CEP128: variants seen among roughly 807,000 people sequenced by gnomAD.
CEP128 encodes the protein centrosomal protein 128, also known as centrosomal protein 128kDa.
In CEP128, 132 loss-of-function variants were observed where a neutral mutation model predicts 156.7. The observed-to-expected ratio is 0.84, with a 90% CI of 0.73 to 0.97. CEP128 has a LOEUF of 0.97. Ranked by LOEUF, CEP128 falls within the 50% of genes least tolerant of loss-of-function variation. The pLI is 0.00. For missense variants in CEP128, 1,252 were observed against 1,281.9 expected, an observed-to-expected ratio of 0.98 and a Z score of 0.36; for synonymous variants, 469 against 448.9, an observed-to-expected ratio of 1.04 and a Z score of -0.57.
At chr14:80,663,528 C>T (rs1318940266) in intron 19 of CEP128, among the ~76,000 whole-genome samples, 2 of 152,250 alleles carry the variant, frequency 1.3e-5, no homozygotes, top group East Asian at 3.9e-4. Context: ...TTCCAGCCAC[C>T]TTCCGATAAT....
At chr14:80,848,301 G>C (rs990506625) in intron 9 of CEP128, among the ~76,000 whole-genome samples, 1 of 152,128 alleles carries the variant, frequency 6.6e-6, no homozygotes, top group African/African-American at 2.4e-5. Context: ...GGAGGTACAT[G>C]GTATATCCAT....
intron 20 of CEP128, among the ~76,000 whole-genome samples, chr14:80,571,716 C>G (rs775914096): frequency 4.6e-5 from 7 of 151,464 alleles, no homozygotes; most frequent in Admixed American, 4.6e-4. Context: ...TTATTTTGAA[C>G]TTGGTTGAAA....
At chr14:80,822,179 A>G (rs1308968114) in intron 13 of CEP128, among the ~76,000 whole-genome samples, 2 of 152,036 alleles carry the variant, frequency 1.3e-5, no homozygotes, top group African/African-American at 4.8e-5. Context: ...TTCAAAACCA[A>G]TCATGCCTTC....
intron 18 of CEP128, among the ~76,000 whole-genome samples, chr14:80,748,327 A>T (rs1899211324): frequency 1.3e-5 from 2 of 152,128 alleles, no homozygotes; most frequent in Admixed American, 6.5e-5. Context: ...AACAGGGTCA[A>T]CTCTTTGCCA....
chr14:80,886,626 G>A (rs925103363), intron 8 of CEP128, among the ~76,000 whole-genome samples: 1 of 152,154 alleles, frequency 6.6e-6, no homozygotes, highest in African/African-American at 2.4e-5. Flanking sequence ...GCTCCTGAAG[G>A]AAGCACTAAA....
At position 80,553,955 on chromosome 14, in the gene CEP128, G is replaced by A. The variant is rs370180801; in HGVS notation, c.2880+5324C>T. 9.2e-5 allele frequency among the ~76,000 whole-genome samples: 14 copies of A among 152,248 alleles called. No homozygotes were observed. The East Asian group carries it at 1.4e-3, about 15-fold the overall frequency. ...TTTGTTCCTGGTCATAGAGGAGGAC[G>A]TCAGCATTTCAGTGCTAAGGTGATT... On this transcript the variant is annotated intron_variant, in intron 21 of 24. Coordinates refer to ENST00000555265, the MANE Select transcript of CEP128 (RefSeq NM_152446.5).
chr14:80,588,248 G>C (rs1332400301), intron 19 of CEP128, among the ~76,000 whole-genome samples: 3 of 152,068 alleles, frequency 2.0e-5, no homozygotes, highest in Non-Finnish European at 4.4e-5. Context: ...ATAGATCAGT[G>C]ATGTGCACTT....
intron 4 of CEP128, among the ~76,000 whole-genome samples, chr14:80,907,794 T>A (rs1448808122): frequency 6.6e-6 from 1 of 152,088 alleles, no homozygotes; most frequent in East Asian, 1.9e-4. Context: ...TCTTATGTAG[T>A]GATCACAAAG....
chr14:80,587,777 A>C (rs148589222), intron 19 of CEP128, among the ~76,000 whole-genome samples: 73 of 152,300 alleles, frequency 4.8e-4, no homozygotes, highest in African/African-American at 1.7e-3. Context: ...GAGAAAGAGA[A>C]GTTTATGATC....
intron 9 of CEP128, among the ~76,000 whole-genome samples, chr14:80,860,201 T>C (rs1887448049): frequency 6.6e-6 from 1 of 152,182 alleles, no homozygotes; most frequent in African/African-American, 2.4e-5. Flanking sequence ...AGCAGGAAAA[T>C]ACATCAGCTT....
intron 13 of CEP128, among the ~76,000 whole-genome samples, chr14:80,818,730 T>C (rs1885001012): frequency 6.6e-6 from 1 of 152,226 alleles, no homozygotes; most frequent in Admixed American, 6.5e-5. Flanking sequence ...AGTGTCTCCA[T>C]TACTTGCAAC....
chr14:80,871,271 A>G lies in CEP128; in HGVS notation c.646-8398T>C, dbSNP rs148926066. Among the ~76,000 whole-genome samples, 868 of 152,270 alleles carry G rather than the reference A, an allele frequency of 5.7e-3. 11 individuals carry two copies. Among genetic ancestry groups the G allele is most frequent in the African/African-American group, 0.02 (833 of 41,552 alleles). On this transcript the variant is annotated intron_variant, in intron 8 of 24. Coordinates refer to ENST00000555265, the MANE Select transcript of CEP128 (RefSeq NM_152446.5). ...AAATAATTTGCCTGCAGTGAGAAGC[A>G]CAGATAAAGGCAGGTATGGGAGCAG...
chr14:80,793,503 C>A (rs559804239), intron 13 of CEP128, among the ~76,000 whole-genome samples: 2 of 152,174 alleles, frequency 1.3e-5, no homozygotes, highest in South Asian at 4.1e-4. Context: ...TAGTAGCAAT[C>A]ATATATAACA....
Position 80,740,735 on chromosome 14 carries a change from C to T in CEP128, c.2806+2340G>A, listed in dbSNP as rs149047496. On this transcript the variant is annotated intron_variant, in intron 19 of 24. Coordinates refer to ENST00000555265, the MANE Select transcript of CEP128 (RefSeq NM_152446.5). ...TAGTACTTTCCCTTTTATAACTATTCAGAAAAGATAACTCCCTAACAAAGA... is the reference window on the plus strand; with the variant it reads ...TAGTACTTTCCCTTTTATAACTATTTAGAAAAGATAACTCCCTAACAAAGA... Among the ~76,000 whole-genome samples, 77 of 152,250 alleles carry T rather than the reference C, an allele frequency of 5.1e-4. No homozygotes were observed. The East Asian group carries it at 0.015, about 29-fold the overall frequency.
chr14:80,630,925 T>C (rs1893934811), intron 19 of CEP128, among the ~76,000 whole-genome samples: 1 of 152,054 alleles, frequency 6.6e-6, no homozygotes, highest in East Asian at 1.9e-4. Context: ...ATGTTTTATT[T>C]GGGCTTCTGT....
intron 13 of CEP128, among the ~76,000 whole-genome samples, chr14:80,799,213 C>G (rs1883679052): frequency 1.3e-5 from 2 of 152,204 alleles, no homozygotes; most frequent in Admixed American, 1.3e-4. Context: ...AACGGAGGGA[C>G]TGGCTGGAGC....
chr14:80,606,561 G>A (rs1892786382), intron 19 of CEP128, among the ~76,000 whole-genome samples: 2 of 152,100 alleles, frequency 1.3e-5, no homozygotes, highest in Admixed American at 1.3e-4. Flanking sequence ...ATAACTGACA[G>A]GCTAGAGGGA....
At chr14:80,932,630 C>A (rs897292264) in intron 2 of CEP128, among the ~76,000 whole-genome samples, 2 of 152,158 alleles carry the variant, frequency 1.3e-5, no homozygotes, top group Admixed American at 1.3e-4. Context: ...TCTCCCATGA[C>A]CCCAAGACGG....
At chr14:80,830,801 A>G (rs1269131554) in intron 13 of CEP128, 4 of 204,586 alleles carry the variant, frequency 2.0e-5, no homozygotes, top group Non-Finnish European at 3.9e-5. Context: ...ATAAATAATA[A>G]TTCACTGTTC....
Sources: gnomAD v4.1 joint callset for allele counts (sites outside exome capture counted in the v4.1 genomes callset) on GRCh38, gnomAD v4.1.1 for gene constraint, MANE v1.5 for transcripts, NCBI Gene and HGNC (gene_info 2026-07-23, HGNC 2026-07-21) for gene names.